The following CCDC171 variants were observed in gnomAD, a reference collection of about 807,000 sequenced individuals.
The protein encoded by CCDC171 is coiled-coil domain-containing protein 171.
A neutral mutation model predicts 168.2 loss-of-function variants in CCDC171; 177 were observed. The observed-to-expected ratio is 1.05, with a 90% CI of 0.93 to 1.19. The LOEUF is 1.19. Among genes scored for constraint, CCDC171 ranks in the 50% most tolerant of loss-of-function variants. The probability of loss-of-function intolerance (pLI) is 0.00; values close to 1 mark genes in which losing one functional copy is unlikely to be tolerated. For missense variants in CCDC171, 1,991 were observed against 1,539.0 expected, an observed-to-expected ratio of 1.29 and a Z score of -4.91; for synonymous variants, 687 against 540.8, an observed-to-expected ratio of 1.27 and a Z score of -3.75.
intron 1 of CCDC171, among the ~76,000 whole-genome samples, chr9:15,563,608 A>T (rs964147672): frequency 6.6e-6 from 1 of 152,056 alleles, no homozygotes; most frequent in Non-Finnish European, 1.5e-5. Flanking sequence ...GTCTACCACT[A>T]TTTCCAACCT....
At chr9:15,755,127 A>ATG in intron 18 of CCDC171, among the ~76,000 whole-genome samples, 1 of 152,244 alleles carries the variant, frequency 6.6e-6, no homozygotes, top group African/African-American at 2.4e-5. Flanking sequence ...ATCAAATAGG[A>ATG]ATTTTTCCTC....
chr9:16,100,947 G>GCCTCTGTGGCTGA, the CCDC171 span, among the ~76,000 whole-genome samples: 1 of 152,072 alleles, frequency 6.6e-6, no homozygotes, highest in Non-Finnish European at 1.5e-5. Flanking sequence ...AGGCAAGCGA[G>GCCTCTGTGGCTGA]CCTCTGTGGC....
intron 25 of CCDC171, among the ~76,000 whole-genome samples, chr9:15,940,442 AG>A (rs1338791668): frequency 8.6e-5 from 13 of 151,920 alleles, no homozygotes; most frequent in African/African-American, 3.1e-4. Flanking sequence ...CACATAAGGA[AG>A]GATATACACA....
chr9:15,797,726 T>C (rs2058630299), intron 21 of CCDC171, among the ~76,000 whole-genome samples: 1 of 152,182 alleles, frequency 6.6e-6, no homozygotes, highest in African/African-American at 2.4e-5. Flanking sequence ...TTGTAGTTGA[T>C]CCTTTTTATA....
At chr9:15,790,848 CAG>C in intron 21 of CCDC171, among the ~76,000 whole-genome samples, 1 of 152,152 alleles carries the variant, frequency 6.6e-6, no homozygotes, top group Non-Finnish European at 1.5e-5. Context: ...ATTTATTAAA[CAG>C]GGAATCCTTT....
At chr9:15,944,883 T>TCTTA (rs1554691547) in intron 25 of CCDC171, among the ~76,000 whole-genome samples, 184 of 151,558 alleles carry the variant, frequency 1.2e-3, no homozygotes, top group Non-Finnish European at 2.2e-3. Context: ...TTTCTTTCTT[T>TCTTA]CTTTTTTATC....
chr9:15,587,845 A>G (rs1040970560), intron 4 of CCDC171, among the ~76,000 whole-genome samples: 4 of 152,238 alleles, frequency 2.6e-5, no homozygotes, highest in Non-Finnish European at 5.9e-5. Context: ...CAGGGAGAAC[A>G]TTTAAAAGAA....
chr9:15,625,380 A>C (rs1298134911), intron 7 of CCDC171, among the ~76,000 whole-genome samples: 2 of 152,174 alleles, frequency 1.3e-5, no homozygotes, highest in African/African-American at 2.4e-5. Context: ...TTTAGTTATG[A>C]AGTCCTTCCC....
At chr9:15,671,857 G>C in intron 9 of CCDC171, among the ~76,000 whole-genome samples, 1 of 152,044 alleles carries the variant, frequency 6.6e-6, no homozygotes, top group Non-Finnish European at 1.5e-5. Flanking sequence ...TAATCCTTTG[G>C]GTATATACCC....
At chr9:15,910,687 C>T (rs1236090361) in intron 24 of CCDC171, among the ~76,000 whole-genome samples, 1 of 152,046 alleles carries the variant, frequency 6.6e-6, no homozygotes, top group Non-Finnish European at 1.5e-5. Flanking sequence ...CTAATGCTAT[C>T]CCTCCCCTAG....
At chr9:15,803,115 T>G (rs2058907365) in intron 21 of CCDC171, among the ~76,000 whole-genome samples, 2 of 152,070 alleles carry the variant, frequency 1.3e-5, no homozygotes. Flanking sequence ...GTTGGTTGGT[T>G]GTTTGTTTTG....
chr9:15,871,228 C>G (rs756344440), intron 23 of CCDC171, among the ~76,000 whole-genome samples: 4 of 151,296 alleles, frequency 2.6e-5, no homozygotes, highest in Non-Finnish European at 4.4e-5. Flanking sequence ...TTGGGAAATT[C>G]TATATGTTAA....
At chr9:16,086,617 G>A in the CCDC171 span, among the ~76,000 whole-genome samples, 1 of 151,690 alleles carries the variant, frequency 6.6e-6, no homozygotes, top group Non-Finnish European at 1.5e-5. Flanking sequence ...TTCTTTATTA[G>A]TCTGGCTAGC....
chr9:16,034,098 A>C (rs979796132), intron 6 of CCDC171, among the ~76,000 whole-genome samples: 1 of 152,244 alleles, frequency 6.6e-6, no homozygotes, highest in African/African-American at 2.4e-5. Flanking sequence ...AAAGAGGGGA[A>C]ACATGCCACC....
At chr9:15,993,120 A>G (rs925332280) in intron 3 of CCDC171, among the ~76,000 whole-genome samples, 28 of 152,190 alleles carry the variant, frequency 1.8e-4, no homozygotes, top group African/African-American at 5.6e-4. Flanking sequence ...GAACCAAAAA[A>G]GAGCCCTCAT....
chr9:15,874,158 CAT>C (rs1411537723), intron 23 of CCDC171, among the ~76,000 whole-genome samples: 1 of 152,058 alleles, frequency 6.6e-6, no homozygotes, highest in African/African-American at 2.4e-5. Context: ...TTAAACACCA[CAT>C]GTTACTAAGC....
the CCDC171 span, among the ~76,000 whole-genome samples, chr9:16,084,429 C>G: frequency 1.3e-5 from 2 of 152,178 alleles, no homozygotes; most frequent in Non-Finnish European, 2.9e-5. Flanking sequence ...CTGTTGTCCT[C>G]TTTGTCTACC....
At chr9:15,650,653 C>A (rs1267130957) in intron 7 of CCDC171, among the ~76,000 whole-genome samples, 1 of 151,972 alleles carries the variant, frequency 6.6e-6, no homozygotes, top group Non-Finnish European at 1.5e-5. Flanking sequence ...GTATTTTCTC[C>A]CATTCTTTAG....
At chr9:15,746,243 A>G (rs1393150113) in intron 18 of CCDC171, among the ~76,000 whole-genome samples, 3 of 152,182 alleles carry the variant, frequency 2.0e-5, no homozygotes, top group Non-Finnish European at 2.9e-5. Flanking sequence ...CAGACACATT[A>G]ATTGTTAAAA....
Sources: allele counts gnomAD v4.1 joint callset (sites outside exome capture counted in the v4.1 genomes callset), GRCh38; gene constraint gnomAD v4.1.1; transcripts MANE v1.5; gene names NCBI Gene and HGNC (gene_info 2026-07-23, HGNC 2026-07-21).